PITRM1: variants seen among roughly 807,000 people sequenced by gnomAD.
The protein encoded by PITRM1 is presequence protease, mitochondrial.
A neutral mutation model predicts 129.9 loss-of-function variants in PITRM1; 100 were observed. The observed-to-expected ratio is 0.77, with a 90% CI of 0.65 to 0.91. PITRM1 has a LOEUF of 0.91. PITRM1 is among the 40% of genes least tolerant of loss of function. The probability of loss-of-function intolerance (pLI) is 0.00; values close to 1 mark genes in which losing one functional copy is unlikely to be tolerated. For missense variants in PITRM1, 1,471 were observed against 1,318.3 expected (o/e 1.12, Z -1.79); for synonymous variants, 591 against 508.8 (o/e 1.16, Z -2.17).
chr10:3,158,854 G>A (rs1380219200), intron 10 of PITRM1, 60 bp downstream of exon 10: 7 of 1,530,228 alleles, frequency 4.6e-6, no homozygotes, highest in Middle Eastern at 1.7e-4. Flanking sequence ...TGCGGAGGTG[G>A]AGGAGCAAAA....
intron 7 of PITRM1, 24 bp downstream of exon 7, chr10:3,163,701 C>G: frequency 6.3e-7 from 1 of 1,575,460 alleles, no homozygotes; most frequent in African/African-American, 1.4e-5. Context: ...AATCCACCAT[C>G]AAACTTTTCC....
chr10:3,151,180 G>A (rs1330409256), intron 15 of PITRM1, 67 bp downstream of exon 15: 9 of 851,438 alleles, frequency 1.1e-5, no homozygotes, highest in Non-Finnish European at 1.8e-5. Flanking sequence ...TACTGCTTCT[G>A]TGAGGAGTGA....
chr10:3,165,401 T>C lies in PITRM1; in HGVS notation c.533+12A>G. 1 of 1,609,424 alleles carries C rather than the reference T, an allele frequency of 6.2e-7. No homozygotes were observed. Among genetic ancestry groups the C allele is most frequent in the East Asian group, 2.2e-5 (1 of 44,842 alleles). ...AAAGTCTGTATCAACTAGTTAATCATTCATGACATACCAGAAATCCAGCTC... is the reference window on the plus strand; with the variant it reads ...AAAGTCTGTATCAACTAGTTAATCACTCATGACATACCAGAAATCCAGCTC... On this transcript the variant is annotated intron_variant, in intron 5 of 26. Transcript: ENST00000224949.
At chr10:3,151,121 C>T (rs1013708426) in intron 15 of PITRM1, 126 bp downstream of exon 15, 36 of 681,514 alleles carry the variant, frequency 5.3e-5, no homozygotes, top group East Asian at 4.7e-4. Flanking sequence ...AGACTATGAA[C>T]GCACAGGGCT....
chr10:3,171,595 T>G (rs1258908559), intron 1 of PITRM1, among the ~76,000 whole-genome samples: 1 of 152,154 alleles, frequency 6.6e-6, no homozygotes, highest in Non-Finnish European at 1.5e-5. Flanking sequence ...TGCTCACTAC[T>G]ACGCCCAGCT....
chr10:3,157,386 C>CA, intron 12 of PITRM1, 49 bp downstream of exon 12: 1 of 1,150,610 alleles, frequency 8.7e-7, no homozygotes, highest in Non-Finnish European at 1.2e-6. Flanking sequence ...AGTAACAAGA[C>CA]AAAATGTCTA....
chr10:3,170,275 T>G, intron 1 of PITRM1, 69 bp from the exon 2 acceptor site: 1 of 1,098,690 alleles, frequency 9.1e-7, no homozygotes, highest in Non-Finnish European at 1.4e-6. Flanking sequence ...TTCAGCCACA[T>G]AGTGAAAATA....
intron 15 of PITRM1, 35 bp downstream of exon 15, chr10:3,151,212 C>T (rs1257801668): frequency 8.3e-6 from 10 of 1,200,912 alleles, no homozygotes; most frequent in Admixed American, 3.9e-5. Context: ...CCCAAGGAAC[C>T]CGAGACCCGG....
At chr10:3,171,146 TTAAAAAAAAAAAAAAAAAAAAAAAAA>T (rs1843306970) in intron 1 of PITRM1, among the ~76,000 whole-genome samples, 1 of 36,240 alleles carries the variant, frequency 2.8e-5, no homozygotes, top group East Asian at 7.8e-4. Context: ...AATCGTTCAA[TTAAAAAAAAAAAAAAAAAAAAAAAAA>T]AAAAAAAAAA....
Position 3,138,247 on chromosome 10 carries a change from GC to G in PITRM1, c.3007del (p.Ala1003ProfsTer2). On this transcript the variant is annotated frameshift_variant, in exon 26 of 27. Transcript: ENST00000224949. LOFTEE classifies it low-confidence loss of function (END_TRUNC). ...GCTCCCCACTCACCTATCGCTCACG[GC>G]CAGGAGCTTGTCGTGGCTGACAGCA... Reference protein sequence around the residue: ...LFAVSHDKLLAVSDRYLGTGK... With the variant: ...LFAVSHDKLLXVSDRYLGTGK... 1 of 1,612,610 alleles carries G rather than the reference GC, an allele frequency of 6.2e-7. No individual in the cohort carries two copies.
At chr10:3,170,070 G>A in intron 2 of PITRM1, 34 bp downstream of exon 2, 1 of 1,477,546 alleles carries the variant, frequency 6.8e-7, no homozygotes, top group Non-Finnish European at 9.5e-7. Flanking sequence ...CAATGTATGT[G>A]GATTTATAAG....
intron 14 of PITRM1, among the ~76,000 whole-genome samples, chr10:3,152,758 C>T (rs1841629882): frequency 6.6e-6 from 1 of 152,262 alleles, no homozygotes; most frequent in South Asian, 2.1e-4. Context: ...CTCCCTCCTG[C>T]CTCTTCCCTG....
At chr10:3,142,932 C>A (rs1345050489) in intron 23 of PITRM1, 4 of 161,146 alleles carry the variant, frequency 2.5e-5, no homozygotes, top group Admixed American at 6.1e-5. Context: ...CCTGCAGCCC[C>A]CATGGCTCTC....
intron 1 of PITRM1, chr10:3,172,135 G>GGACGC (rs1564446105): frequency 2.2e-6 from 1 of 454,768 alleles, no homozygotes; most frequent in Non-Finnish European, 4.4e-6. Flanking sequence ...CTCATGCCAC[G>GGACGC]GACGCCCCGT....
In PITRM1 at chr10:3,138,511, G is replaced by A. The variant is rs116021625; in HGVS notation, c.2918-174C>T. On this transcript the variant is annotated intron_variant, in intron 25 of 26. Coordinates refer to ENST00000224949, the MANE Select transcript of PITRM1 (RefSeq NM_014889.4). ...TCACACCCCGACCTCCAGCTCCCAC[G>A]TGCCACGCTGACCCCTACCCACGCC... 2,398 of 636,634 alleles carry A rather than the reference G, an allele frequency of 3.8e-3. 32 individuals carry two copies. Among genetic ancestry groups the A allele is most frequent in the African/African-American group, 0.033 (1,857 of 55,580 alleles). The allele number at this position is 636,634 out of a possible 1,614,324, so 39.4% of individuals were successfully genotyped here.
chr10:3,149,601 G>A lies in PITRM1; in HGVS notation c.1871+20C>T, dbSNP rs1044179041. On this transcript the variant is annotated intron_variant, in intron 16 of 26. Coordinates refer to ENST00000224949, the MANE Select transcript of PITRM1 (RefSeq NM_014889.4). ...AAGCAGACATTAATAAGACACACAA[G>A]GGTATGTTGCGACTCGTACTTGGTG... 6 of 1,529,312 alleles carry A rather than the reference G, an allele frequency of 3.9e-6. No individual in the cohort carries two copies. The highest frequency in any genetic ancestry group is 1.3e-5 in the South Asian group (1 of 78,336). The allele number at this position is 1,529,312 out of a possible 1,614,324, so 94.7% of individuals were successfully genotyped here. A position where few individuals can be genotyped will look rare whatever the true frequency, so the allele number is the denominator to read the frequency against.
Position 3,138,355 on chromosome 10 carries a change from G to T in PITRM1, c.2918-18C>A. ...GTCCATTCCTAGAAGACAATCCACA[G>T]GCACGATGGAGCCGCTGCCCGGGAG... On this transcript the variant is annotated intron_variant, in intron 25 of 26. Coordinates refer to ENST00000224949, the MANE Select transcript of PITRM1 (RefSeq NM_014889.4). The T allele has an allele frequency of 6.3e-7, 1 of 1,576,816 alleles. No homozygotes were observed. The highest frequency in any genetic ancestry group is 8.7e-7 in the Non-Finnish European group (1 of 1,146,472).
At chr10:3,141,928 G>A (rs1398917787) in intron 23 of PITRM1, among the ~76,000 whole-genome samples, 1 of 152,142 alleles carries the variant, frequency 6.6e-6, no homozygotes, top group South Asian at 2.1e-4. Context: ...CCTGGGGGAC[G>A]GAGTCTCCAC....
chr10:3,171,491 T>C (rs965901028), intron 1 of PITRM1, among the ~76,000 whole-genome samples: 2 of 152,186 alleles, frequency 1.3e-5, no homozygotes. Context: ...TTGCCCAGGC[T>C]GGAGTGCAGC....
Sources: allele counts gnomAD v4.1 joint callset (sites outside exome capture counted in the v4.1 genomes callset), GRCh38; gene constraint gnomAD v4.1.1; transcripts MANE v1.5; gene names NCBI Gene and HGNC (gene_info 2026-07-23, HGNC 2026-07-21).